CDH12: variants seen among roughly 807,000 people sequenced by gnomAD.
The protein encoded by CDH12 is cadherin-12.
A neutral mutation model predicts 74.1 loss-of-function variants in CDH12; 41 were observed. The observed-to-expected ratio is 0.55, with a 90% CI of 0.43 to 0.72. CDH12 has a LOEUF of 0.72. Ranked by LOEUF, CDH12 falls within the 30% of genes least tolerant of loss-of-function variation. The pLI, the probability that CDH12 is intolerant of heterozygous loss-of-function variation, is 0.00. For synonymous variants in CDH12, 399 were observed against 355.0 expected (o/e 1.12, Z -1.39); for missense variants, 945 against 977.2 (o/e 0.97, Z 0.44).
chr5:22,278,091 T>A (rs562227461), intron 3 of CDH12: 2 of 152,174 alleles, frequency 1.3e-5, no homozygotes, highest in Non-Finnish European at 2.9e-5. Context: ...TTTTATTGAT[T>A]TAACTGCCAA....
intron 5 of CDH12, among the ~76,000 whole-genome samples, chr5:22,047,772 A>G (rs914901208): frequency 5.3e-5 from 8 of 152,204 alleles, no homozygotes; most frequent in Admixed American, 6.5e-5. Context: ...TTTCAAACCC[A>G]ACATACCTAA....
chr5:22,669,122 T>C (rs1414117549), intron 1 of CDH12, among the ~76,000 whole-genome samples: 1 of 152,074 alleles, frequency 6.6e-6, no homozygotes, highest in African/African-American at 2.4e-5. Flanking sequence ...CCATTTTTCA[T>C]CAAAAATCCA....
intron 3 of CDH12, among the ~76,000 whole-genome samples, chr5:22,378,745 T>C (rs1741641038): frequency 6.6e-6 from 1 of 152,216 alleles, no homozygotes; most frequent in Middle Eastern, 3.4e-3. Context: ...TTGAAAATTG[T>C]GTTATGCTTT....
chr5:22,587,933 T>G (rs1740493618), intron 1 of CDH12, among the ~76,000 whole-genome samples: 1 of 148,294 alleles, frequency 6.7e-6, no homozygotes, highest in Admixed American at 6.8e-5. Context: ...TATAGATTTA[T>G]ATATATATTA....
chr5:22,257,418 T>G (rs897992138), intron 3 of CDH12, among the ~76,000 whole-genome samples: 1 of 151,922 alleles, frequency 6.6e-6, no homozygotes, highest in Non-Finnish European at 1.5e-5. Context: ...TTTTTGTACA[T>G]CTGTACAATG....
intron 1 of CDH12, among the ~76,000 whole-genome samples, chr5:22,591,020 C>G (rs1212324431): frequency 1.3e-5 from 2 of 152,158 alleles, no homozygotes; most frequent in African/African-American, 4.8e-5. Context: ...GCCTGTAACT[C>G]CCATTAATGT....
chr5:22,232,713 G>C (rs766382254), intron 3 of CDH12, among the ~76,000 whole-genome samples: 2 of 151,338 alleles, frequency 1.3e-5, no homozygotes, highest in African/African-American at 2.4e-5. Flanking sequence ...CTTTCTCTCT[G>C]TGTCTAACTT....
chr5:22,681,536 T>C (rs947167034), intron 1 of CDH12, among the ~76,000 whole-genome samples: 11 of 152,020 alleles, frequency 7.2e-5, no homozygotes, highest in Non-Finnish European at 1.5e-5. Context: ...GTAATGAATT[T>C]CTGAAATAAT....
chr5:22,004,356 C>T (rs1442685866), intron 5 of CDH12, among the ~76,000 whole-genome samples: 4 of 152,150 alleles, frequency 2.6e-5, no homozygotes, highest in African/African-American at 4.8e-5. Flanking sequence ...GACTAGTGTA[C>T]ATTGTTAGCA....
intron 3 of CDH12, among the ~76,000 whole-genome samples, chr5:22,367,114 T>C (rs1480325904): frequency 6.6e-6 from 1 of 152,204 alleles, no homozygotes; most frequent in Non-Finnish European, 1.5e-5. Flanking sequence ...GTTACTTGTA[T>C]TTTTGTGTTT....
intron 1 of CDH12, among the ~76,000 whole-genome samples, chr5:22,698,701 A>AGAGAGAGAGAGAGAGAGAGAGAGTG (rs1561585702): frequency 1.5e-4 from 2 of 12,960 alleles, no homozygotes; most frequent in Non-Finnish European, 2.6e-4. Flanking sequence ...ATATATATAT[A>AGAGAGAGAGAGAGAGAGAGAGAGTG]TATATATATA....
intron 6 of CDH12, among the ~76,000 whole-genome samples, chr5:21,971,006 C>T (rs1420522553): frequency 6.6e-6 from 1 of 151,542 alleles, no homozygotes; most frequent in Non-Finnish European, 1.5e-5. Flanking sequence ...AAGGGAGTAC[C>T]TGTTCACTAT....
intron 3 of CDH12, among the ~76,000 whole-genome samples, chr5:22,273,548 G>T (rs1160711683): frequency 6.6e-6 from 1 of 152,122 alleles, no homozygotes; most frequent in Non-Finnish European, 1.5e-5. Flanking sequence ...TTTGCACCAA[G>T]CTAATAACAA....
intron 1 of CDH12, among the ~76,000 whole-genome samples, chr5:22,697,736 C>A (rs915508189): frequency 2.2e-4 from 33 of 152,128 alleles, no homozygotes; most frequent in Non-Finnish European, 3.1e-4. Flanking sequence ...AGCCCAAATC[C>A]ATTGTGAATT....
At position 21,928,126 on chromosome 5, in the gene CDH12, T is replaced by C. The variant is rs144084643; in HGVS notation, c.526+46965A>G. 5.2e-3 allele frequency among the ~76,000 whole-genome samples: 785 copies of C among 151,874 alleles called. 5 individuals are homozygous for C. The highest frequency in any genetic ancestry group is 0.018 in the African/African-American group (735 of 41,430). Reference sequence around the variant, plus strand: ...CATTTGACTATGGTAATAAGAACAATGATGAAAACATTTGACTATGACTAT... The same window carrying C: ...CATTTGACTATGGTAATAAGAACAACGATGAAAACATTTGACTATGACTAT... On this transcript the variant is annotated intron_variant, in intron 6 of 14. Coordinates refer to ENST00000382254, the MANE Select transcript of CDH12 (RefSeq NM_004061.5).
intron 4 of CDH12, among the ~76,000 whole-genome samples, chr5:22,097,805 TCTTACC>T (rs1375430250): frequency 6.6e-6 from 1 of 151,906 alleles, no homozygotes; most frequent in Non-Finnish European, 1.5e-5. Context: ...ACCTAATCAC[TCTTACC>T]CTGCTCAATG....
chr5:22,089,773 T>C (rs1264592038), intron 4 of CDH12, among the ~76,000 whole-genome samples: 1 of 152,056 alleles, frequency 6.6e-6, no homozygotes, highest in East Asian at 1.9e-4. Context: ...TTTCTGTAAC[T>C]GGGGAAATTA....
chr5:22,682,409 A>C (rs969370689), intron 1 of CDH12, among the ~76,000 whole-genome samples: 1 of 152,076 alleles, frequency 6.6e-6, no homozygotes, highest in Non-Finnish European at 1.5e-5. Flanking sequence ...TTATTAATAT[A>C]TGTATGATTG....
intron 3 of CDH12, among the ~76,000 whole-genome samples, chr5:22,285,806 T>C (rs1464096016): frequency 6.6e-6 from 1 of 152,098 alleles, no homozygotes; most frequent in Non-Finnish European, 1.5e-5. Context: ...GGTTAGTTCC[T>C]TCATTTATTC....
Sources: gnomAD v4.1 joint callset for allele counts (sites outside exome capture counted in the v4.1 genomes callset) on GRCh38, gnomAD v4.1.1 for gene constraint, MANE v1.5 for transcripts, NCBI Gene and HGNC (gene_info 2026-07-23, HGNC 2026-07-21) for gene names.